The following ODAD4 variants were observed in gnomAD, a reference collection of about 807,000 sequenced individuals.
The protein encoded by ODAD4 is outer dynein arm docking complex subunit 4.
In ODAD4, 49 loss-of-function variants were observed where a neutral mutation model predicts 51.8. That is an observed-to-expected ratio of 0.95 (90% CI 0.75 to 1.20). The LOEUF (loss-of-function observed/expected upper bound fraction) is 1.20. Among genes scored for constraint, ODAD4 ranks in the 50% most tolerant of loss-of-function variants. The probability of loss-of-function intolerance (pLI) is 0.00; values close to 1 mark genes in which losing one functional copy is unlikely to be tolerated. For missense variants in ODAD4, 590 were observed against 586.5 expected, an observed-to-expected ratio of 1.01 and a Z score of -0.06; for synonymous variants, 235 against 221.3, an observed-to-expected ratio of 1.06 and a Z score of -0.55.
chr17:41,944,454 A>C (rs901157124), intron 7 of ODAD4, among the ~76,000 whole-genome samples: 2 of 126,966 alleles, frequency 1.6e-5, no homozygotes, highest in African/African-American at 6.5e-5. Context: ...ACCCCCCCGC[A>C]TACACAGAAA....
intron 10 of ODAD4, 143 bp downstream of exon 10, chr17:41,955,460 C>T: frequency 3.4e-6 from 2 of 590,036 alleles, no homozygotes; most frequent in Non-Finnish European, 6.1e-6. Context: ...CAGAGTCTTG[C>T]TCTGTTGCCC....
chr17:41,936,446 C>A, intron 3 of ODAD4, 27 bp from the exon 4 acceptor site: 1 of 1,595,170 alleles, frequency 6.3e-7, no homozygotes. Flanking sequence ...GTCTGGCCGA[C>A]CTGAGCTCCA....
At chr17:41,964,063 A>ATTT (rs539389648) in intron 11 of ODAD4, among the ~76,000 whole-genome samples, 1 of 140,558 alleles carries the variant, frequency 7.1e-6, no homozygotes, top group African/African-American at 2.6e-5. Flanking sequence ...CTCCCGGTTA[A>ATTT]TTTTTTTTTT....
chr17:41,940,309 A>G (rs1555638535), intron 7 of ODAD4, among the ~76,000 whole-genome samples: 2 of 152,176 alleles, frequency 1.3e-5, no homozygotes, highest in Non-Finnish European at 2.9e-5. Flanking sequence ...CCTGCTCACA[A>G]GTGGGCCTGG....
intron 9 of ODAD4, among the ~76,000 whole-genome samples, chr17:41,954,198 G>C (rs1446236150): frequency 6.6e-6 from 1 of 151,738 alleles, no homozygotes; most frequent in Non-Finnish European, 1.5e-5. Context: ...TGTTGGCCAG[G>C]GTGGTCTCGA....
intron 10 of ODAD4, 118 bp from the exon 11 acceptor site, chr17:41,961,264 G>T: frequency 1.6e-6 from 1 of 645,016 alleles, no homozygotes; most frequent in South Asian, 1.8e-5. Flanking sequence ...AGGGGCCAGA[G>T]GGAAACCAAG....
chr17:41,939,182 C>T lies in ODAD4; in HGVS notation c.1058+10C>T, dbSNP rs1188828530. On this transcript the variant is annotated intron_variant, in intron 7 of 11. Coordinates refer to ENST00000377540, the MANE Select transcript of ODAD4 (RefSeq NM_031421.5). The stretch of plus-strand genomic sequence containing the variant: ...AGATCGCCAAGGAATAGTGAGTGCC[C>T]TAGGGGAGGCCACTGGCGTGAGCCT... 1.5e-5 allele frequency: 24 copies of T among 1,610,206 alleles called. No individual in the cohort carries two copies. Among genetic ancestry groups the T allele is most frequent in the Non-Finnish European group, 2.0e-5 (23 of 1,178,210 alleles).
rs528206217 is a variant in ODAD4, at chr17:41,966,446, C to T, written c.*963C>T. ...TAAAAAAAAAAGTTTTTAATTAATG[C>T]AAAAGTCCATGATGAATAAAATATC... On this transcript the variant is annotated 3_prime_UTR_variant, in exon 12 of 12. Coordinates refer to ENST00000377540, the MANE Select transcript of ODAD4 (RefSeq NM_031421.5). Among the ~76,000 whole-genome samples, 2 of 152,120 alleles carry T rather than the reference C, an allele frequency of 1.3e-5. No individual in the cohort carries two copies. The highest frequency in any genetic ancestry group is 1.3e-4 in the Admixed American group (2 of 15,270).
chr17:41,930,698 C>T lies in ODAD4; in HGVS notation c.-26C>T. ...TCCAGCTTTTCTTTGATTGTCTCTG[C>T]TTTAGCGTCTCTAAATCCGGTCACC... is the stretch of plus-strand genomic sequence containing the variant. On this transcript the variant is annotated 5_prime_UTR_variant, in exon 1 of 12. Transcript: ENST00000377540. 4.8e-6 allele frequency: 7 copies of T among 1,456,064 alleles called. No individual in the cohort carries two copies. The highest frequency in any genetic ancestry group is 6.7e-6 in the Non-Finnish European group (7 of 1,046,654). 90.2% of individuals were successfully genotyped at this position (1,456,064 alleles called of 1,614,324 possible).
At position 41,935,090 on chromosome 17, in the gene ODAD4, T is replaced by C. The variant is rs1217436324; in HGVS notation, c.115-127T>C. On this transcript the variant is annotated intron_variant, in intron 1 of 11. Coordinates refer to ENST00000377540, the MANE Select transcript of ODAD4 (RefSeq NM_031421.5). ...CTGGCCTGAAGAATCCCCTTGATTC[T>C]TCAGAGCCTTGATTTCTTCAGAGCC... The C allele has an allele frequency of 2.6e-6, 3 of 1,154,214 alleles. No individual in the cohort carries two copies. In the African/African-American group the frequency reaches 4.6e-5, roughly 18 times the overall value. 71.5% of individuals were successfully genotyped at this position (1,154,214 alleles called of 1,614,324 possible).
intron 9 of ODAD4, among the ~76,000 whole-genome samples, chr17:41,954,599 C>T (rs1402979651): frequency 2.6e-5 from 4 of 151,956 alleles, no homozygotes; most frequent in African/African-American, 9.7e-5. Context: ...CACCTGTAAT[C>T]CCAGCACTTT....
rs182438859 is a variant in ODAD4 at position 41,934,946 on chromosome 17, A to C, written c.115-271A>C. Among the ~76,000 whole-genome samples, 430 of 152,308 alleles carry C rather than the reference A, an allele frequency of 2.8e-3. 3 individuals carry two copies. Among genetic ancestry groups the C allele is most frequent in the African/African-American group, 9.8e-3 (408 of 41,576 alleles). Reference sequence around the variant, plus strand: ...ACAGAGCAGCATATTCCTACTCTTCAGCCAGTGGCTTCCACAATAGCCATG... The same window carrying C: ...ACAGAGCAGCATATTCCTACTCTTCCGCCAGTGGCTTCCACAATAGCCATG... On this transcript the variant is annotated intron_variant, in intron 1 of 11. Coordinates refer to ENST00000377540, the MANE Select transcript of ODAD4 (RefSeq NM_031421.5).
At position 41,965,290 on chromosome 17, in the gene ODAD4, G is replaced by T. The variant is rs782045861; in HGVS notation, c.1826G>T (p.Arg609Ile). ...CTAGAAGCTGGCAGAAGAGAGTCAA[G>T]AGAAATTTATAGGAGGCCTTCGGGA... ...KLLEAGRRES[R>I]EIYRRPSGEL... Residue 609 changes from arginine to isoleucine, a missense_variant, in exon 12 of 12, where the codon AGA becomes ATA. This residue lies in a region of ODAD4 where 226 missense variants were observed against 162.7 expected (regional missense o/e 1.39). Coordinates refer to ENST00000377540, the MANE Select transcript of ODAD4 (RefSeq NM_031421.5). The T allele has an allele frequency of 2.3e-5, 18 of 780,036 alleles. 2 individuals carry two copies. The South Asian group carries it at 2.4e-4, about 10-fold the overall frequency. 48.3% of individuals were successfully genotyped at this position (780,036 alleles called of 1,614,324 possible). A position where few individuals can be genotyped will look rare whatever the true frequency, so the allele number is the denominator to read the frequency against.
chr17:41,933,008 C>G (rs1437483274), intron 1 of ODAD4, among the ~76,000 whole-genome samples: 1 of 152,074 alleles, frequency 6.6e-6, no homozygotes, highest in Non-Finnish European at 1.5e-5. Context: ...AACAGCTCCC[C>G]AGAGTCGTTT....
At chr17:41,953,616 T>G (rs1305604240) in intron 9 of ODAD4, among the ~76,000 whole-genome samples, 1 of 151,864 alleles carries the variant, frequency 6.6e-6, no homozygotes, top group African/African-American at 2.4e-5. Context: ...GAGACCAGGC[T>G]GGGCAACATG....
chr17:41,955,884 C>T (rs562668776), intron 10 of ODAD4, among the ~76,000 whole-genome samples: 82 of 152,068 alleles, frequency 5.4e-4, no homozygotes, highest in African/African-American at 1.9e-3. Context: ...ACTGTTATGG[C>T]TCATTGCAGC....
rs188818048 is a variant in ODAD4, at chr17:41,934,068, G to A, written c.115-1149G>A. 1.2e-4 allele frequency among the ~76,000 whole-genome samples: 11 copies of A among 89,078 alleles called. No homozygotes were observed. In the East Asian group the frequency reaches 2.4e-3, roughly 19 times the overall value. 58.4% of individuals were successfully genotyped at this position (89,078 alleles called of 152,430 possible). A position where few individuals can be genotyped will look rare whatever the true frequency, so the allele number is the denominator to read the frequency against. On this transcript the variant is annotated intron_variant, in intron 1 of 11. Transcript: ENST00000377540. ...TTTTTTTTTTTTTTTTTGAGACAGC[G>A]TCTCACTCCATCACCCAGGCTGGAG...
rs1555638377 is a variant in ODAD4, at chr17:41,939,145, G to T, written c.1031G>T (p.Arg344Ile). ...ATGGAGGCAGCCCTGCAGAGCCACA[G>T]AAAGGACCTGGAGATCGCCAAGGAA... is the stretch of plus-strand genomic sequence containing the variant. ...GQMEAALQSHRKDLEIAKEYD... is the reference protein window; with the variant it reads ...GQMEAALQSHIKDLEIAKEYD... Residue 344 changes from arginine (R) to isoleucine (I), a missense_variant, in exon 7 of 12, where the codon AGA (arginine) becomes ATA (isoleucine). Transcript: ENST00000377540. 1.2e-6 allele frequency: 2 copies of T among 1,613,828 alleles called. No individual in the cohort carries two copies. Among genetic ancestry groups the T allele is most frequent in the African/African-American group, 2.7e-5 (2 of 74,940 alleles).
chr17:41,944,391 TACACACAC>T (rs1158342629), intron 7 of ODAD4, among the ~76,000 whole-genome samples: 7 of 78,706 alleles, frequency 8.9e-5, no homozygotes, highest in African/African-American at 3.3e-4. Flanking sequence ...CAAACACACA[TACACACAC>T]ACACACACAC....
Sources: gnomAD v4.1 joint callset for allele counts (sites outside exome capture counted in the v4.1 genomes callset) on GRCh38, gnomAD v4.1.1 for gene constraint, gnomAD v4.1.1 regional missense constraint, MANE v1.5 for transcripts, NCBI Gene and HGNC (gene_info 2026-07-23, HGNC 2026-07-21) for gene names.